The following FRMD3 variants were observed in gnomAD, a reference collection of about 807,000 sequenced individuals.
The protein encoded by FRMD3 is FERM domain containing 3, also known as FERM domain-containing protein 3.
FRMD3 carries 33 observed loss-of-function variants against 70.2 expected under a neutral mutation model. The observed-to-expected ratio is 0.47, with a 90% CI of 0.36 to 0.63. The LOEUF is 0.63. Ranked by LOEUF, FRMD3 falls within the 20% of genes least tolerant of loss-of-function variation. The probability of loss-of-function intolerance (pLI) is 0.00; values close to 1 mark genes in which losing one functional copy is unlikely to be tolerated. For synonymous variants in FRMD3, 279 were observed against 255.9 expected (o/e 1.09, Z -0.86); for missense variants, 632 against 711.4 (o/e 0.89, Z 1.27).
chr9:83,430,780 C>G lies in FRMD3; in HGVS notation c.148-41072G>C, dbSNP rs148929246. Among the ~76,000 whole-genome samples the G allele has an allele frequency of 1.8e-3, 270 of 152,262 alleles. 1 individual carries two copies. Among genetic ancestry groups the G allele is most frequent in the Non-Finnish European group, 3.4e-3 (234 of 68,026 alleles). On this transcript the variant is annotated intron_variant, in intron 1 of 13. Coordinates refer to ENST00000304195, the MANE Select transcript of FRMD3 (RefSeq NM_174938.6). ...TTTCCCTAAAATCTGAAAAGCTGGC[C>G]TCTTGAAAACTCAGCTGACCACTTG...
At chr9:83,572,423 T>C in the FRMD3 span, among the ~76,000 whole-genome samples, 1 of 152,012 alleles carries the variant, frequency 6.6e-6, no homozygotes, top group African/African-American at 2.4e-5. Context: ...TCAGAACAAA[T>C]GGAGGTAGAT....
intron 1 of FRMD3, among the ~76,000 whole-genome samples, chr9:83,400,261 T>C (rs1825917155): frequency 6.6e-6 from 1 of 152,032 alleles, no homozygotes; most frequent in Non-Finnish European, 1.5e-5. Flanking sequence ...CAATGAACAA[T>C]TGAAAGTTGA....
At chr9:83,579,370 T>A in the FRMD3 span, among the ~76,000 whole-genome samples, 6 of 151,500 alleles carry the variant, frequency 4.0e-5, no homozygotes, top group African/African-American at 1.5e-4. Flanking sequence ...TCACACTCCC[T>A]GATTTCATAG....
intron 6 of FRMD3, among the ~76,000 whole-genome samples, chr9:83,319,880 T>C (rs1407952901): frequency 6.6e-6 from 1 of 152,234 alleles, no homozygotes; most frequent in Admixed American, 6.5e-5. Context: ...CCAAGCCATG[T>C]AGAACTGTAA....
At chr9:83,437,947 G>C (rs998074255) in intron 1 of FRMD3, among the ~76,000 whole-genome samples, 1 of 152,200 alleles carries the variant, frequency 6.6e-6, no homozygotes, top group Non-Finnish European at 1.5e-5. Flanking sequence ...AGGATAAAAA[G>C]AGAGAAGGGG....
Position 83,246,361 on chromosome 9 carries a change from G to A in FRMD3, c.*1557C>T, listed in dbSNP as rs1832096301. 5 of 983,892 alleles carry A rather than the reference G, an allele frequency of 5.1e-6. No homozygotes were observed. In the South Asian group the frequency reaches 2.4e-4, roughly 46 times the overall value. The allele number at this position is 983,892 out of a possible 1,614,324, so 60.9% of individuals were successfully genotyped here. Reference sequence around the variant, plus strand: ...GGGAAGGCATCAGTACGTTGCTGATGGTACAATGCTCTAGTACCTTCCTTG... The same window carrying A: ...GGGAAGGCATCAGTACGTTGCTGATAGTACAATGCTCTAGTACCTTCCTTG... On this transcript the variant is annotated 3_prime_UTR_variant, in exon 14 of 14. Coordinates refer to ENST00000304195, the MANE Select transcript of FRMD3 (RefSeq NM_174938.6).
rs918905051 is a variant in FRMD3 at position 83,420,541 on chromosome 9, G to A, written c.148-30833C>T. On this transcript the variant is annotated intron_variant, in intron 1 of 13. Coordinates refer to ENST00000304195, the MANE Select transcript of FRMD3 (RefSeq NM_174938.6). ...ATACCTTTGGATCTAGAAAGACACA[G>A]GTCCTCAGCAGCTCTAAAATGGTTG... Among the ~76,000 whole-genome samples, 3 of 152,078 alleles carry A rather than the reference G, an allele frequency of 2.0e-5. No homozygotes were observed. The South Asian group carries it at 6.2e-4, about 32-fold the overall frequency.
At chr9:83,460,612 G>T (rs1827941930) in intron 1 of FRMD3, among the ~76,000 whole-genome samples, 1 of 150,780 alleles carries the variant, frequency 6.6e-6, no homozygotes. Flanking sequence ...ATTGAATAAG[G>T]GATCCGTTTT....
chr9:83,454,430 C>T (rs1827759718), intron 1 of FRMD3, among the ~76,000 whole-genome samples: 1 of 152,176 alleles, frequency 6.6e-6, no homozygotes, highest in Non-Finnish European at 1.5e-5. Context: ...GAGTTACACC[C>T]ACATTTGCCA....
the FRMD3 span, among the ~76,000 whole-genome samples, chr9:83,584,152 G>A: frequency 2.0e-5 from 3 of 151,992 alleles, no homozygotes; most frequent in Non-Finnish European, 4.4e-5. Context: ...TGGCCAACAT[G>A]GTGAAACCCC....
At chr9:83,576,381 G>C in the FRMD3 span, among the ~76,000 whole-genome samples, 1 of 151,680 alleles carries the variant, frequency 6.6e-6, no homozygotes, top group Non-Finnish European at 1.5e-5. Flanking sequence ...AGGAACAAAA[G>C]GGAACTTCCT....
rs1425967510 is a variant in FRMD3, at chr9:83,266,410, C to T, written c.1196-17894G>A. ...AAAACCACATTTATACATATAGCCA[C>T]AGCTTCTTTCTTGCTGTAAGCTCTA... On this transcript the variant is annotated intron_variant, in intron 13 of 13. Coordinates refer to ENST00000304195, the MANE Select transcript of FRMD3 (RefSeq NM_174938.6). 3.3e-5 allele frequency among the ~76,000 whole-genome samples: 5 copies of T among 152,346 alleles called. No individual in the cohort carries two copies. The East Asian group carries it at 9.6e-4, about 29-fold the overall frequency.
At chr9:83,540,986 G>C (rs887264351), upstream of FRMD3, among the ~76,000 whole-genome samples, 1 of 152,092 alleles carries the variant, frequency 6.6e-6, no homozygotes, top group African/African-American at 2.4e-5. Flanking sequence ...AAGAAAACTT[G>C]AATGATTCCT....
At chr9:83,323,011 T>C (rs1434875488) in intron 6 of FRMD3, among the ~76,000 whole-genome samples, 3 of 152,226 alleles carry the variant, frequency 2.0e-5, no homozygotes, top group Admixed American at 1.3e-4. Flanking sequence ...ATCTGGTAGC[T>C]ACAGTTAAAA....
intron 5 of FRMD3, among the ~76,000 whole-genome samples, chr9:83,338,056 A>G (rs898714280): frequency 6.6e-6 from 1 of 152,238 alleles, no homozygotes; most frequent in Non-Finnish European, 1.5e-5. Flanking sequence ...ATCCCTACAT[A>G]TCATTTTTTA....
intron 1 of FRMD3, among the ~76,000 whole-genome samples, chr9:83,489,721 C>T (rs772684123): frequency 2.6e-5 from 4 of 152,156 alleles, no homozygotes; most frequent in East Asian, 1.9e-4. Context: ...GAACTTAAAA[C>T]GTTTAAGATT....
chr9:83,543,351 C>A (rs144617533), upstream of FRMD3, among the ~76,000 whole-genome samples: 1 of 152,044 alleles, frequency 6.6e-6, no homozygotes, highest in African/African-American at 2.4e-5. Context: ...GTTGCCCTCA[C>A]CCCTGTGACA....
Position 83,347,329 on chromosome 9 carries a change from G to A in FRMD3, c.374+2350C>T, listed in dbSNP as rs894219443. 6.6e-5 allele frequency among the ~76,000 whole-genome samples: 10 copies of A among 152,224 alleles called. No individual in the cohort carries two copies. The South Asian group carries it at 1.0e-3, about 16-fold the overall frequency. On this transcript the variant is annotated intron_variant, in intron 4 of 13. Coordinates refer to ENST00000304195, the MANE Select transcript of FRMD3 (RefSeq NM_174938.6). ...TATATAATAGCTACCAAAAAATAAT[G>A]CATCTCCCTTTAGTGTCATTCCTGC... is the stretch of plus-strand genomic sequence containing the variant.
Position 83,538,151 on chromosome 9 carries a change from C to A in FRMD3, c.81G>T (p.Ser27=). ...MIHFRSSSVK[S]LSQEMRCTIR... ...TGGTGCATCTCATCTCCTGGCTGAG[C>A]GATTTGACGCTGGAGCTCCGAAAGT... Residue 27 remains serine (S), a synonymous_variant, in exon 1 of 14, where the codon TCG becomes TCT. Transcript: ENST00000304195. This position sits in a 1 kb window ranked among gnomAD's most constrained non-coding sequence, Gnocchi z 4.7. The A allele has an allele frequency of 6.2e-7, 1 of 1,613,310 alleles. No homozygotes were observed.
Sources: allele counts gnomAD v4.1 joint callset (sites outside exome capture counted in the v4.1 genomes callset), GRCh38; gene constraint gnomAD v4.1.1; non-coding constraint Gnocchi (gnomAD v3.1); transcripts MANE v1.5; gene names NCBI Gene and HGNC (gene_info 2026-07-23, HGNC 2026-07-21).